Variants in NLRP7 observed in about 807,000 individuals in gnomAD.
NLRP7 encodes NACHT, LRR and PYD domains-containing protein 7.
In NLRP7, 72 loss-of-function variants were observed where a neutral mutation model predicts 85.5. The ratio of observed to expected loss-of-function variants is 0.84; its 90% CI spans 0.70 to 1.02. The LOEUF (loss-of-function observed/expected upper bound fraction) is 1.02. Among genes scored for constraint, NLRP7 ranks in the 50% least tolerant of loss-of-function variants. The probability of loss-of-function intolerance (pLI) is 0.00; values close to 1 mark genes in which losing one functional copy is unlikely to be tolerated. For synonymous variants in NLRP7, 550 were observed against 505.2 expected (o/e 1.09, Z -1.19); for missense variants, 1,243 against 1,219.5 (o/e 1.02, Z -0.29).
intron 1 of NLRP7, among the ~76,000 whole-genome samples, chr19:54,962,628 C>G (rs954315134): frequency 1.3e-5 from 2 of 148,566 alleles, no homozygotes; most frequent in African/African-American, 5.0e-5. Flanking sequence ...GAGACAGAGT[C>G]TTGCTCTGTC....
intron 1 of NLRP7, among the ~76,000 whole-genome samples, chr19:54,945,887 T>A (rs1236820375): frequency 2.6e-5 from 4 of 152,088 alleles, no homozygotes; most frequent in Admixed American, 2.0e-4. Context: ...CCTCCCAGGT[T>A]CACGCCATTC....
In NLRP7 at chr19:54,934,469, C is replaced by T. The variant is rs1235750410; in HGVS notation, c.2471+20G>A. 7.4e-6 allele frequency: 12 copies of T among 1,613,676 alleles called. No individual in the cohort carries two copies. Among genetic ancestry groups the T allele is most frequent in the Non-Finnish European group, 1.0e-5 (12 of 1,179,628 alleles). ...GCCCCAGAACTAAACCAGAGCTGCC[C>T]ATGGGAAGAGGAGACTTACGACAAC... is the stretch of plus-strand genomic sequence containing the variant. On this transcript the variant is annotated intron_variant, in intron 7 of 9. Transcript: ENST00000340844. The surrounding 1 kb of genome is among the most constrained non-coding windows in gnomAD (Gnocchi z 6.7).
exon 4 of NLRP7, chr19:54,940,045 C>T: frequency 6.2e-7 from 1 of 1,614,206 alleles, no homozygotes; most frequent in Non-Finnish European, 8.5e-7. Flanking sequence ...GTGGGACTTT[C>T]AGCTCATCAA....
exon 8 of NLRP7, chr19:54,933,684 C>T (rs747613261): frequency 1.2e-6 from 2 of 1,614,174 alleles, no homozygotes; most frequent in East Asian, 4.5e-5. Flanking sequence ...TTGCTGACAA[C>T]CAAGACAGCA....
At position 54,934,497 on chromosome 19, in the gene NLRP7, C is replaced by T. The variant is rs909888777; in HGVS notation, c.2463G>A (p.Gln821=). The T allele has an allele frequency of 2.5e-6, 4 of 1,614,168 alleles. No homozygotes were observed. Among genetic ancestry groups the T allele is most frequent in the African/African-American group, 1.3e-5 (1 of 75,060 alleles). The change falls in exon 7 of 10, where the codon CAG becomes CAA. Residue 821 remains glutamine (Q), a synonymous_variant. Transcript: ENST00000340844. The surrounding 1 kb of genome is among the most constrained non-coding windows in gnomAD (Gnocchi z 6.7). Reference sequence around the variant, plus strand: ...GGGAAGAGGAGACTTACGACAACATCTGCAGGAAGTGTTTTGGGCGTGTCA... The same window carrying T: ...GGGAAGAGGAGACTTACGACAACATTTGCAGGAAGTGTTTTGGGCGTGTCA...
chr19:54,958,222 G>C (rs1022884793), intron 1 of NLRP7, among the ~76,000 whole-genome samples: 12 of 152,132 alleles, frequency 7.9e-5, no homozygotes, highest in Admixed American at 7.2e-4. Context: ...GAGAGACAGA[G>C]AGGGACAGGG....
At chr19:54,944,898 G>A (rs866188916) in intron 1 of NLRP7, among the ~76,000 whole-genome samples, 1 of 152,068 alleles carries the variant, frequency 6.6e-6, no homozygotes, top group Admixed American at 6.6e-5. Context: ...GCTTCATATA[G>A]TTGCCTTTCG....
chr19:54,934,552 T>A lies in NLRP7; in HGVS notation c.2408A>T (p.Asp803Val). Residue 803 changes from aspartate to valine, a missense_variant, in exon 7 of 10, where the codon GAT (aspartate) becomes GTT (valine). By Grantham distance (152) the Asp-to-Val change is radical. Around this residue, in one of 3 missense-constraint regions of NLRP7, gnomAD observed 613 missense variants for 588.4 expected, o/e 1.04. Transcript: ENST00000340844. The surrounding 1 kb of genome is among the most constrained non-coding windows in gnomAD (Gnocchi z 6.7). ...CTTGTACAGCAACATGGCACCCTCA[T>A]CCAGGAGCACATTGGCTGAGAGACG... The A allele has an allele frequency of 6.2e-7, 1 of 1,614,118 alleles. No individual in the cohort carries two copies. Among genetic ancestry groups the A allele is most frequent in the East Asian group, 2.2e-5 (1 of 44,880 alleles).
chr19:54,930,016 G>T (rs1008046127), intron 9 of NLRP7, among the ~76,000 whole-genome samples: 3 of 150,612 alleles, frequency 2.0e-5, no homozygotes, highest in Non-Finnish European at 4.4e-5. Flanking sequence ...TCAGGAGGCT[G>T]AGGCAGGAGA....
intron 1 of NLRP7, among the ~76,000 whole-genome samples, chr19:54,946,493 CCTA>C (rs1264468821): frequency 2.0e-5 from 3 of 150,564 alleles, no homozygotes; most frequent in African/African-American, 7.4e-5. Context: ...CCGCGCCCAG[CCTA>C]CTTTTTTTTT....
intron 1 of NLRP7, among the ~76,000 whole-genome samples, chr19:54,945,525 C>T (rs2069431107): frequency 6.6e-6 from 1 of 152,018 alleles, no homozygotes; most frequent in African/African-American, 2.4e-5. Context: ...CCACCTCAGC[C>T]TCCCAAAGTG....
chr19:54,934,564 T>A lies in NLRP7; in HGVS notation c.2396A>T (p.Asn799Ile). 2 of 1,614,054 alleles carry A rather than the reference T, an allele frequency of 1.2e-6. No homozygotes were observed. The highest frequency in any genetic ancestry group is 1.7e-6 in the Non-Finnish European group (2 of 1,179,944). ...CATGGCACCCTCATCCAGGAGCACA[T>A]TGGCTGAGAGACGCAGGTGCTTCAG... The change falls in exon 7 of 10, where the codon AAT becomes ATT. Residue 799 changes from asparagine (N) to isoleucine (I), a missense_variant. By Grantham distance (149) the Asn-to-Ile change is moderately radical. This residue lies in a region of NLRP7 where 613 missense variants were observed against 588.4 expected (regional missense o/e 1.04). Coordinates refer to ENST00000340844, the Ensembl canonical transcript of NLRP7. This position sits in a 1 kb window ranked among gnomAD's most constrained non-coding sequence, Gnocchi z 6.7.
intron 1 of NLRP7, among the ~76,000 whole-genome samples, chr19:54,960,193 T>C (rs993947640): frequency 6.6e-6 from 1 of 151,912 alleles, no homozygotes; most frequent in East Asian, 1.9e-4. Flanking sequence ...TCTCCCTCTA[T>C]CACCCAGGCT....
chr19:54,964,211 G>GTTTTT (rs747785772), intron 1 of NLRP7, among the ~76,000 whole-genome samples: 1 of 52,474 alleles, frequency 1.9e-5, no homozygotes, highest in African/African-American at 9.0e-5. Context: ...TTTATATGGT[G>GTTTTT]TTTTTTTTTT....
intron 9 of NLRP7, among the ~76,000 whole-genome samples, chr19:54,924,247 T>C (rs2068340474): frequency 6.6e-6 from 1 of 152,126 alleles, no homozygotes; most frequent in Non-Finnish European, 1.5e-5. Context: ...GGATTACAGA[T>C]GTGAGCCACA....
intron 1 of NLRP7, among the ~76,000 whole-genome samples, chr19:54,955,162 T>C (rs913742721): frequency 6.6e-6 from 1 of 151,892 alleles, no homozygotes; most frequent in African/African-American, 2.4e-5. Flanking sequence ...ACCCCGTCTC[T>C]ACTAAAATAC....
upstream of NLRP7, among the ~76,000 whole-genome samples, chr19:54,949,347 G>A (rs1437009526): frequency 3.3e-5 from 5 of 151,698 alleles, no homozygotes; most frequent in South Asian, 2.1e-4. Context: ...AGGCTGAGGC[G>A]GGAGGACTGC....
At chr19:54,962,709 C>G (rs953269381) in intron 1 of NLRP7, among the ~76,000 whole-genome samples, 10 of 151,782 alleles carry the variant, frequency 6.6e-5, no homozygotes, top group South Asian at 2.1e-4. Flanking sequence ...ACGCCATTCT[C>G]CTGCCTCAGC....
intron 1 of NLRP7, among the ~76,000 whole-genome samples, chr19:54,942,054 C>T (rs180732284): frequency 6.6e-6 from 1 of 151,076 alleles, no homozygotes; most frequent in African/African-American, 2.4e-5. Flanking sequence ...GAGATCGAGA[C>T]CATCCTGGCT....
Sources: allele counts gnomAD v4.1 joint callset (sites outside exome capture counted in the v4.1 genomes callset), GRCh38; gene constraint gnomAD v4.1.1; regional missense constraint gnomAD v4.1.1; non-coding constraint Gnocchi (gnomAD v3.1); transcripts MANE v1.5; gene names NCBI Gene and HGNC (gene_info 2026-07-23, HGNC 2026-07-21).